The following AP3B1 variants were observed in gnomAD, a reference collection of about 807,000 sequenced individuals.
The protein encoded by AP3B1 is AP-3 complex subunit beta-1.
In AP3B1, 61 loss-of-function variants were observed where a neutral mutation model predicts 132.5. The observed-to-expected ratio is 0.46, with a 90% CI of 0.37 to 0.57. The LOEUF (loss-of-function observed/expected upper bound fraction) is 0.57, where lower values mean the gene tolerates loss of function less well. AP3B1 is among the 20% of genes least tolerant of loss of function. The pLI, the probability that AP3B1 is intolerant of heterozygous loss-of-function variation, is 0.00. For synonymous variants in AP3B1, 388 were observed against 438.3 expected (o/e 0.89, Z 1.43); for missense variants, 1,120 against 1,289.4 (o/e 0.87, Z 2.01).
intron 11 of AP3B1, among the ~76,000 whole-genome samples, chr5:78,169,242 T>C (rs367904196): frequency 3.0e-4 from 44 of 147,448 alleles, no homozygotes; most frequent in African/African-American, 1.0e-3. Flanking sequence ...TCCCTTGTGT[T>C]AGCATGAATT....
chr5:78,232,502 TC>T (rs554018309), intron 3 of AP3B1, among the ~76,000 whole-genome samples: 181 of 152,244 alleles, frequency 1.2e-3, no homozygotes, highest in African/African-American at 4.0e-3. Flanking sequence ...AGTCCATCAA[TC>T]CCTGAAGACT....
rs949341657 is a variant in AP3B1, at chr5:78,113,495, C to G, written c.2249+257G>C. Reference sequence around the variant, plus strand: ...GTGTTTCATACCTATTGCTTGATCACTTAACTCAGCCTTCCAAGGTTATAC... The same window carrying G: ...GTGTTTCATACCTATTGCTTGATCAGTTAACTCAGCCTTCCAAGGTTATAC... On this transcript the variant is annotated intron_variant, in intron 19 of 26. Transcript: ENST00000255194. Among the ~76,000 whole-genome samples the G allele has an allele frequency of 6.6e-5, 10 of 152,312 alleles. 1 individual carries two copies. The highest frequency in any genetic ancestry group is 2.6e-4 in the Admixed American group (4 of 15,304).
intron 22 of AP3B1, among the ~76,000 whole-genome samples, chr5:78,063,243 T>C (rs778332321): frequency 6.6e-6 from 1 of 152,328 alleles, no homozygotes; most frequent in Non-Finnish European, 1.5e-5. Context: ...TTTCATCAAG[T>C]AAATCTATAT....
intron 7 of AP3B1, among the ~76,000 whole-genome samples, chr5:78,204,609 T>C (rs1745428499): frequency 6.6e-6 from 1 of 152,192 alleles, no homozygotes; most frequent in African/African-American, 2.4e-5. Flanking sequence ...TTTACTCCCA[T>C]TGATATCTAT....
At chr5:78,227,289 G>A (rs1209981698) in intron 5 of AP3B1, 83 bp downstream of exon 5, 3 of 1,364,320 alleles carry the variant, frequency 2.2e-6, no homozygotes, top group Admixed American at 3.4e-5. Flanking sequence ...CTACCTAAAA[G>A]AGCGAATAAA....
In AP3B1 at chr5:78,188,723, C is replaced by T. The variant is rs1229174775; in HGVS notation, c.787-7061G>A. 1.3e-5 allele frequency among the ~76,000 whole-genome samples: 2 copies of T among 152,164 alleles called. 1 individual carries two copies. Among genetic ancestry groups the T allele is most frequent in the Non-Finnish European group, 2.9e-5 (2 of 68,030 alleles). ...ACCATGTGACCCAGCAATCCCATTA[C>T]TGGGTATATACCCAAAAGAGTATAA... On this transcript the variant is annotated intron_variant, in intron 7 of 26. Coordinates refer to ENST00000255194, the MANE Select transcript of AP3B1 (RefSeq NM_003664.5).
chr5:78,077,348 G>A (rs752220589), intron 22 of AP3B1, among the ~76,000 whole-genome samples: 1 of 152,094 alleles, frequency 6.6e-6, no homozygotes, highest in Non-Finnish European at 1.5e-5. Flanking sequence ...GGTGTGCTGC[G>A]ATACTGCCCC....
intron 7 of AP3B1, among the ~76,000 whole-genome samples, chr5:78,198,937 T>C (rs74602983): frequency 0.015 from 2,269 of 152,366 alleles, 58 homozygotes; most frequent in African/African-American, 0.051. Context: ...TTTGTGTCTA[T>C]GTAAAACAAC....
intron 7 of AP3B1, among the ~76,000 whole-genome samples, chr5:78,193,738 ATTTT>A (rs370371072): frequency 0.019 from 1,640 of 87,252 alleles, 34 homozygotes; most frequent in African/African-American, 0.051. Context: ...ATTTGTATAT[ATTTT>A]TTTATATATA....
At chr5:78,043,607 G>C (rs1748192820) in intron 22 of AP3B1, 1 of 483,134 alleles carries the variant, frequency 2.1e-6, no homozygotes, top group Admixed American at 2.2e-5. Context: ...AAGGTGGAGG[G>C]TCACTTTGGT....
intron 1 of AP3B1, among the ~76,000 whole-genome samples, chr5:78,286,381 A>C (rs183112215): frequency 2.6e-5 from 4 of 152,282 alleles, no homozygotes; most frequent in Admixed American, 2.6e-4. Context: ...TCCCTTCATG[A>C]ATGAGATTAA....
intron 22 of AP3B1, among the ~76,000 whole-genome samples, chr5:78,047,222 T>C (rs1561373047): frequency 1.3e-5 from 2 of 152,212 alleles, no homozygotes; most frequent in African/African-American, 4.8e-5. Context: ...TACCCAGTAA[T>C]GGGATTGCTG....
chr5:78,029,293 G>T (rs1467469494), intron 24 of AP3B1, among the ~76,000 whole-genome samples: 3 of 151,908 alleles, frequency 2.0e-5, no homozygotes, highest in Admixed American at 1.3e-4. Flanking sequence ...TTTTCTTGGA[G>T]GATTACAATG....
At chr5:78,224,956 A>G (rs770706522) in intron 6 of AP3B1, among the ~76,000 whole-genome samples, 5 of 152,024 alleles carry the variant, frequency 3.3e-5, no homozygotes, top group Admixed American at 2.6e-4. Flanking sequence ...TAAAAAACAG[A>G]TATCTATAGA....
At position 78,032,167 on chromosome 5, in the gene AP3B1, A is replaced by G. The variant is rs868178699; in HGVS notation, c.2894+2194T>C. Among the ~76,000 whole-genome samples the G allele has an allele frequency of 2.0e-5, 3 of 152,212 alleles. No homozygotes were observed. In the South Asian group the frequency reaches 6.2e-4, roughly 32 times the overall value. ...CAGTTCTGTCTATATCTATTTATCC[A>G]TAGATACAATTATAATGATATAGAA... is the stretch of plus-strand genomic sequence containing the variant. On this transcript the variant is annotated intron_variant, in intron 24 of 26. Transcript: ENST00000255194.
At chr5:78,278,036 G>GCAGTAGACATTCTAGACTATTT (rs1048630027) in intron 1 of AP3B1, among the ~76,000 whole-genome samples, 3 of 152,122 alleles carry the variant, frequency 2.0e-5, no homozygotes, top group African/African-American at 7.2e-5. Context: ...CTTCTAGAAT[G>GCAGTAGACATTCTAGACTATTT]TGACTATTCA....
At chr5:78,189,349 T>C (rs1379525497) in intron 7 of AP3B1, among the ~76,000 whole-genome samples, 4 of 152,190 alleles carry the variant, frequency 2.6e-5, no homozygotes, top group African/African-American at 9.7e-5. Flanking sequence ...AACATTTTTA[T>C]ATGGTTTGAT....
intron 2 of AP3B1, among the ~76,000 whole-genome samples, chr5:78,260,744 T>C (rs1748056173): frequency 6.6e-6 from 1 of 152,214 alleles, no homozygotes; most frequent in Non-Finnish European, 1.5e-5. Context: ...AAAATGATTT[T>C]TGAAAGACAA....
intron 18 of AP3B1, among the ~76,000 whole-genome samples, chr5:78,115,255 T>G (rs528287281): frequency 6.6e-6 from 1 of 152,308 alleles, no homozygotes; most frequent in African/African-American, 2.4e-5. Context: ...AACAAAGATT[T>G]TTGATAAGGA....
Sources: allele counts gnomAD v4.1 joint callset (sites outside exome capture counted in the v4.1 genomes callset), GRCh38; gene constraint gnomAD v4.1.1; transcripts MANE v1.5; gene names NCBI Gene and HGNC (gene_info 2026-07-23, HGNC 2026-07-21).